The following LMX1A variants were observed in gnomAD, a reference collection of about 807,000 sequenced individuals.
The protein encoded by LMX1A is LIM homeobox transcription factor 1-alpha.
Under a neutral mutation model 49.1 loss-of-function variants are expected in LMX1A, and 15 were observed. That is an observed-to-expected ratio of 0.31 (90% CI 0.20 to 0.47). LMX1A has a LOEUF of 0.47. LMX1A is among the 20% of genes least tolerant of loss of function. LMX1A has a pLI of 1.00. For synonymous variants in LMX1A, 167 were observed against 185.7 expected, an observed-to-expected ratio of 0.90 and a Z score of 0.82; for missense variants, 372 against 475.8, an observed-to-expected ratio of 0.78 and a Z score of 2.03.
At chr1:165,319,484 G>A (rs1263412412) in intron 3 of LMX1A, among the ~76,000 whole-genome samples, 2 of 151,808 alleles carry the variant, frequency 1.3e-5, no homozygotes, top group Non-Finnish European at 2.9e-5. Context: ...GTAATCTAAG[G>A]AAAAATCCAA....
In LMX1A at chr1:165,289,132, A is replaced by G. The variant is rs149382695; in HGVS notation, c.264-39492T>C. ...TGGTCACATTTATGAAGCTATGATT[A>G]TATGTCCATCTGGAGTTGGGAGGGG... is the stretch of plus-strand genomic sequence containing the variant. On this transcript the variant is annotated intron_variant, in intron 3 of 8. Coordinates refer to ENST00000342310, the MANE Select transcript of LMX1A (RefSeq NM_177398.4). Among the ~76,000 whole-genome samples the G allele has an allele frequency of 1.6e-3, 250 of 152,146 alleles. 3 individuals carry two copies. In the East Asian group the frequency reaches 0.041, roughly 25 times the overall value.
At chr1:165,286,437 C>A (rs148357138) in intron 3 of LMX1A, among the ~76,000 whole-genome samples, 2 of 152,252 alleles carry the variant, frequency 1.3e-5, no homozygotes, top group East Asian at 1.9e-4. Flanking sequence ...TACTCCAATT[C>A]TGACAATACC....
chr1:165,318,600 T>G (rs1655288641), intron 3 of LMX1A, among the ~76,000 whole-genome samples: 1 of 152,196 alleles, frequency 6.6e-6, no homozygotes, highest in Non-Finnish European at 1.5e-5. Flanking sequence ...GCTGCCCATT[T>G]GACTCAATGA....
At chr1:165,268,656 C>A (rs1653697590) in intron 3 of LMX1A, among the ~76,000 whole-genome samples, 1 of 152,238 alleles carries the variant, frequency 6.6e-6, no homozygotes, top group Non-Finnish European at 1.5e-5. Flanking sequence ...CCCCACTCTA[C>A]CACTTATTAG....
At chr1:165,265,464 A>T (rs1270499469) in intron 3 of LMX1A, among the ~76,000 whole-genome samples, 1 of 152,164 alleles carries the variant, frequency 6.6e-6, no homozygotes, top group Non-Finnish European at 1.5e-5. Flanking sequence ...GAGGCAGAGG[A>T]GCTCTTGTGG....
At position 165,292,657 on chromosome 1, in the gene LMX1A, T is replaced by C. The variant is rs556996424; in HGVS notation, c.264-43017A>G. 7.9e-5 allele frequency among the ~76,000 whole-genome samples: 12 copies of C among 152,298 alleles called. No homozygotes were observed. The East Asian group carries it at 2.3e-3, about 29-fold the overall frequency. On this transcript the variant is annotated intron_variant, in intron 3 of 8. Transcript: ENST00000342310. The stretch of plus-strand genomic sequence containing the variant: ...CTTTATTTCCTCCAAATAGGCAGCA[T>C]TCATTTGCTCATTCTCTGAAATTTT...
chr1:165,278,901 C>T (rs1476855087), intron 3 of LMX1A, among the ~76,000 whole-genome samples: 4 of 152,184 alleles, frequency 2.6e-5, no homozygotes, highest in Non-Finnish European at 4.4e-5. Context: ...GGCAGGACCC[C>T]GCAAGGGCCA....
intron 3 of LMX1A, among the ~76,000 whole-genome samples, chr1:165,274,779 G>A (rs1259494084): frequency 3.3e-5 from 5 of 152,146 alleles, no homozygotes; most frequent in African/African-American, 1.2e-4. Flanking sequence ...TTCCCCTAGA[G>A]GTGAAACACT....
chr1:165,351,702 CA>C (rs941385317), intron 3 of LMX1A, among the ~76,000 whole-genome samples: 1 of 152,112 alleles, frequency 6.6e-6, no homozygotes, highest in Non-Finnish European at 1.5e-5. Flanking sequence ...AATTTTAGGG[CA>C]AAAAAGCGGA....
intron 3 of LMX1A, among the ~76,000 whole-genome samples, chr1:165,285,738 G>C (rs374974008): frequency 2.0e-5 from 3 of 152,170 alleles, no homozygotes; most frequent in African/African-American, 4.8e-5. Context: ...ACACAGCAAC[G>C]GGTTACTAAG....
chr1:165,282,707 G>A (rs1654190543), intron 3 of LMX1A, among the ~76,000 whole-genome samples: 1 of 152,038 alleles, frequency 6.6e-6, no homozygotes. Context: ...ATCTACCTAG[G>A]AGTCACCTTT....
intron 4 of LMX1A, among the ~76,000 whole-genome samples, chr1:165,239,360 T>G (rs1328997275): frequency 6.6e-6 from 1 of 152,216 alleles, no homozygotes; most frequent in South Asian, 2.1e-4. Flanking sequence ...CAACTCATAA[T>G]TATAGCAAGG....
At chr1:165,353,288 G>A in intron 2 of LMX1A, 26 bp from the exon 3 acceptor site, 1 of 1,600,122 alleles carries the variant, frequency 6.2e-7, no homozygotes, top group South Asian at 1.1e-5. Context: ...ACGTTGGCGG[G>A]TGAGCAGCCC....
intron 3 of LMX1A, among the ~76,000 whole-genome samples, chr1:165,286,987 G>A (rs753620180): frequency 3.3e-5 from 5 of 152,160 alleles, no homozygotes; most frequent in Non-Finnish European, 5.9e-5. Flanking sequence ...CCCTCTCACC[G>A]CCTAGTCAGA....
At position 165,204,871 on chromosome 1, in the gene LMX1A, G is replaced by A. The variant is rs574453970; in HGVS notation, c.989-831C>T. ...GACCTGTGCCTTCTAAGGAAGCCAA[G>A]AGGGTGGCTATCACTGAACATCCAA... On this transcript the variant is annotated intron_variant, in intron 8 of 8. Coordinates refer to ENST00000342310, the MANE Select transcript of LMX1A (RefSeq NM_177398.4). Among the ~76,000 whole-genome samples, 3 of 152,338 alleles carry A rather than the reference G, an allele frequency of 2.0e-5. No homozygotes were observed. In the South Asian group the frequency reaches 6.2e-4, roughly 32 times the overall value.
intron 3 of LMX1A, among the ~76,000 whole-genome samples, chr1:165,350,111 A>C (rs965608653): frequency 2.0e-5 from 3 of 148,584 alleles, no homozygotes; most frequent in Non-Finnish European, 4.4e-5. Context: ...CCTACCACTT[A>C]ACTTTCACCT....
intron 3 of LMX1A, among the ~76,000 whole-genome samples, chr1:165,325,537 A>G (rs570939962): frequency 1.3e-5 from 2 of 152,096 alleles, no homozygotes; most frequent in African/African-American, 2.4e-5. Context: ...CAAGATGAGG[A>G]TTATCTATGA....
At chr1:165,281,390 A>G (rs1189659580) in intron 3 of LMX1A, among the ~76,000 whole-genome samples, 1 of 152,198 alleles carries the variant, frequency 6.6e-6, no homozygotes, top group African/African-American at 2.4e-5. Context: ...AGCAAAGTCT[A>G]CTTGGACCTG....
At chr1:165,226,036 C>A (rs2102616321) in intron 4 of LMX1A, among the ~76,000 whole-genome samples, 1 of 151,188 alleles carries the variant, frequency 6.6e-6, no homozygotes, top group Admixed American at 6.6e-5. Flanking sequence ...TTTTTTACAA[C>A]CATCTTTTCC....
Sources: allele counts gnomAD v4.1 joint callset (sites outside exome capture counted in the v4.1 genomes callset), GRCh38; gene constraint gnomAD v4.1.1; transcripts MANE v1.5; gene names NCBI Gene and HGNC (gene_info 2026-07-23, HGNC 2026-07-21).